KIAA0825: variants seen among roughly 807,000 people sequenced by gnomAD.
KIAA0825 encodes uncharacterized protein KIAA0825.
A neutral mutation model predicts 147.6 loss-of-function variants in KIAA0825; 119 were observed. The observed-to-expected ratio is 0.81, with a 90% CI of 0.69 to 0.94. The LOEUF (loss-of-function observed/expected upper bound fraction) is 0.94. Among genes scored for constraint, KIAA0825 ranks in the 40% least tolerant of loss-of-function variants. The pLI is 0.00. For synonymous variants in KIAA0825, 470 were observed against 518.1 expected (o/e 0.91, Z 1.26); for missense variants, 1,381 against 1,472.7 (o/e 0.94, Z 1.02).
chr5:94,546,559 G>A (rs1278112079), intron 2 of KIAA0825, among the ~76,000 whole-genome samples: 1 of 151,882 alleles, frequency 6.6e-6, no homozygotes, highest in Non-Finnish European at 1.5e-5. Context: ...GTGTTTAGGA[G>A]AAAGTAAGGG....
chr5:94,155,766 C>T (rs1376248386), intron 20 of KIAA0825, among the ~76,000 whole-genome samples: 4 of 152,160 alleles, frequency 2.6e-5, no homozygotes, highest in Non-Finnish European at 5.9e-5. Context: ...AGTTTCTCCA[C>T]GTTTCCATAT....
In KIAA0825 at chr5:94,396,176, A is replaced by G. The variant is rs748758683; in HGVS notation, c.3221T>C (p.Ile1074Thr). The G allele has an allele frequency of 2.1e-5, 32 of 1,549,744 alleles. No individual in the cohort carries two copies. In the South Asian group the frequency reaches 3.0e-4, roughly 15 times the overall value. The change falls in exon 17 of 21, where the codon ATA becomes ACA. Residue 1074 changes from isoleucine to threonine, a missense_variant. Ile to Thr is a moderately conservative substitution (Grantham distance 89). Transcript: ENST00000682413. ...GGGCTTCTGCTGCTCAATGCTCTGT[A>G]TGACCTTTTGGATCATTTGATTATG... ...SIHNQMIQKV[I>T]QSIEQQKPNW...
chr5:94,155,213 CTT>C (rs67704311), intron 20 of KIAA0825, among the ~76,000 whole-genome samples: 11 of 119,060 alleles, frequency 9.2e-5, no homozygotes, highest in South Asian at 2.7e-4. Context: ...TATTTTCTTT[CTT>C]TTTTTTTTTT....
At chr5:94,300,198 T>A (rs1224118311) in intron 20 of KIAA0825, among the ~76,000 whole-genome samples, 2 of 152,086 alleles carry the variant, frequency 1.3e-5, no homozygotes, top group African/African-American at 2.4e-5. Flanking sequence ...AAAGATGACA[T>A]GCACTAAGGT....
intron 5 of KIAA0825, among the ~76,000 whole-genome samples, chr5:94,515,962 T>C (rs1486113814): frequency 1.3e-5 from 2 of 152,324 alleles, no homozygotes; most frequent in East Asian, 3.8e-4. Flanking sequence ...GTAATATTTA[T>C]GTTAACATTA....
intron 14 of KIAA0825, among the ~76,000 whole-genome samples, chr5:94,427,026 G>T (rs1754974648): frequency 1.3e-5 from 2 of 152,040 alleles, no homozygotes; most frequent in South Asian, 4.1e-4. Context: ...GGTATACAAG[G>T]CCTAAAATAT....
chr5:94,151,880 C>G lies in KIAA0825; in HGVS notation c.*2127G>C, dbSNP rs1241668378. On this transcript the variant is annotated 3_prime_UTR_variant, in exon 21 of 21. Coordinates refer to ENST00000682413, the MANE Select transcript of KIAA0825 (RefSeq NM_001145678.3). The stretch of plus-strand genomic sequence containing the variant: ...TTTTTGCATCTTGTCTAATGAAGCA[C>G]AGTTATGCAGATTTAGTACACAGAC... Among the ~76,000 whole-genome samples the G allele has an allele frequency of 6.6e-6, 1 of 152,064 alleles. No homozygotes were observed. Among genetic ancestry groups the G allele is most frequent in the African/African-American group, 2.4e-5 (1 of 41,394 alleles).
At chr5:94,235,351 C>G (rs966224582) in intron 20 of KIAA0825, among the ~76,000 whole-genome samples, 6 of 152,216 alleles carry the variant, frequency 3.9e-5, no homozygotes, top group African/African-American at 7.2e-5. Context: ...CAAACCACCA[C>G]CAACATTCCC....
chr5:94,238,065 A>G (rs1371605102), intron 20 of KIAA0825, among the ~76,000 whole-genome samples: 1 of 152,206 alleles, frequency 6.6e-6, no homozygotes, highest in Non-Finnish European at 1.5e-5. Flanking sequence ...AGAACTGTAA[A>G]TTAATTTTGC....
intron 20 of KIAA0825, among the ~76,000 whole-genome samples, chr5:94,184,322 TA>T (rs1332563385): frequency 1.3e-5 from 2 of 152,212 alleles, no homozygotes; most frequent in Admixed American, 1.3e-4. Context: ...CTATTCAGTG[TA>T]AATATTATTA....
At chr5:94,417,446 C>G (rs1401997182) in intron 14 of KIAA0825, 81 bp from the exon 15 acceptor site, 1 of 1,099,230 alleles carries the variant, frequency 9.1e-7, no homozygotes. Flanking sequence ...ACTATGTACA[C>G]TAGCATAATG....
intron 5 of KIAA0825, among the ~76,000 whole-genome samples, chr5:94,496,245 CAT>C (rs1386841387): frequency 6.6e-6 from 1 of 152,158 alleles, no homozygotes; most frequent in African/African-American, 2.4e-5. Context: ...TACTTCATGA[CAT>C]GTGAAAATTA....
intron 13 of KIAA0825, among the ~76,000 whole-genome samples, chr5:94,447,385 A>G (rs923248836): frequency 4.6e-5 from 7 of 152,146 alleles, no homozygotes; most frequent in Non-Finnish European, 7.4e-5. Flanking sequence ...AAGGAAACAG[A>G]AAAGCAGCAA....
At chr5:94,465,201 A>C in intron 10 of KIAA0825, 142 bp from the exon 11 acceptor site, 2 of 687,020 alleles carry the variant, frequency 2.9e-6, no homozygotes, top group Non-Finnish European at 4.7e-6. Context: ...ATTTTTGACA[A>C]GATGTAAAAC....
chr5:94,490,658 C>A (rs1763627150), intron 5 of KIAA0825, among the ~76,000 whole-genome samples: 1 of 151,714 alleles, frequency 6.6e-6, no homozygotes, highest in Non-Finnish European at 1.5e-5. Flanking sequence ...TTAAAAAAGT[C>A]TTCTTCTCTG....
At chr5:94,474,958 A>G (rs766268783) in intron 7 of KIAA0825, among the ~76,000 whole-genome samples, 6 of 152,054 alleles carry the variant, frequency 3.9e-5, no homozygotes, top group South Asian at 2.1e-4. Flanking sequence ...GCGTGGTGGC[A>G]CGTGCCTGTA....
intron 5 of KIAA0825, among the ~76,000 whole-genome samples, chr5:94,507,071 A>G (rs1428328914): frequency 6.6e-6 from 1 of 152,220 alleles, no homozygotes; most frequent in East Asian, 1.9e-4. Flanking sequence ...AATGAAGCCA[A>G]AGTATCCTCT....
chr5:94,590,783 A>T (rs1021570342), intron 1 of KIAA0825, among the ~76,000 whole-genome samples: 1 of 152,240 alleles, frequency 6.6e-6, no homozygotes, highest in African/African-American at 2.4e-5. Flanking sequence ...GGAAAGGCAA[A>T]TGTGTGTGAT....
At chr5:94,582,406 C>G (rs1451511989) in intron 2 of KIAA0825, 27 bp downstream of exon 2, 1 of 152,112 alleles carries the variant, frequency 6.6e-6, no homozygotes, top group Non-Finnish European at 1.5e-5. Context: ...ATAAATTACT[C>G]AAAATATGAA....
Sources: allele counts gnomAD v4.1 joint callset (sites outside exome capture counted in the v4.1 genomes callset), GRCh38; gene constraint gnomAD v4.1.1; transcripts MANE v1.5; gene names NCBI Gene and HGNC (gene_info 2026-07-23, HGNC 2026-07-21).